CTNND2: variants seen among roughly 807,000 people sequenced by gnomAD.
CTNND2 encodes catenin delta 2, also known as catenin delta-2.
CTNND2 carries 22 observed loss-of-function variants against 144.4 expected under a neutral mutation model. That is an observed-to-expected ratio of 0.15 (90% confidence interval 0.11 to 0.22). The LOEUF (loss-of-function observed/expected upper bound fraction) is 0.22. CTNND2 is among the 10% of genes least tolerant of loss of function. The pLI is 1.00. For missense variants in CTNND2, 1,353 were observed against 1,618.8 expected (o/e 0.84, Z 2.82); for synonymous variants, 751 against 695.6 (o/e 1.08, Z -1.25).
intron 3 of CTNND2, among the ~76,000 whole-genome samples, chr5:11,500,206 T>C (rs1264391953): frequency 1.3e-5 from 2 of 152,252 alleles, no homozygotes; most frequent in East Asian, 3.9e-4. Flanking sequence ...GAAGAGTAGG[T>C]AGGCCGTAAT....
chr5:11,904,328 G>A lies in CTNND2; in HGVS notation c.-475C>T, dbSNP rs931458906. On this transcript the variant is annotated 5_prime_UTR_variant, in exon 1 of 22. Transcript: ENST00000304623. The surrounding 1 kb of genome is among the most constrained non-coding windows in gnomAD (Gnocchi z 4.2). ...TGCCGCCGCCGCCTCAGCCGCCGAG[G>A]GCGAGGCTCCTCCCGCGGCGCGCGG... 8.0e-5 allele frequency among the ~76,000 whole-genome samples: 12 copies of A among 149,278 alleles called. No homozygotes were observed. Among genetic ancestry groups the A allele is most frequent in the African/African-American group, 2.7e-4 (11 of 41,110 alleles).
In CTNND2 at chr5:11,443,338, GT is replaced by G. The variant is rs1482898196; in HGVS notation, c.288-31270del. On this transcript the variant is annotated intron_variant, in intron 3 of 21. Transcript: ENST00000304623. ...GTGTGTGCATGTGTGTGTGGTGTGT[GT>G]GGGGAGTGTGTGGGAGGGTGTGTGG... Among the ~76,000 whole-genome samples, 67 of 72,484 alleles carry G rather than the reference GT, an allele frequency of 9.2e-4. 2 individuals are homozygous for G. Among genetic ancestry groups the G allele is most frequent in the African/African-American group, 3.8e-3 (60 of 15,642 alleles). The allele number at this position is 72,484 out of a possible 152,430, so 47.6% of individuals were successfully genotyped here.
chr5:11,526,373 T>A (rs755511744), intron 3 of CTNND2, among the ~76,000 whole-genome samples: 3 of 152,156 alleles, frequency 2.0e-5, no homozygotes, highest in Non-Finnish European at 4.4e-5. Flanking sequence ...TATGGTGAAA[T>A]TGGTTCTGTC....
rs981972012 is a variant in CTNND2, at chr5:11,404,598, T to C, written c.439+6938A>G. ...TTTGATCAGTATCTGTCAGTATCTG[T>C]ATTCTTTTTTTTTTTTTTTTTTTTT... On this transcript the variant is annotated intron_variant, in intron 5 of 21. Coordinates refer to ENST00000304623, the MANE Select transcript of CTNND2 (RefSeq NM_001332.4). Among the ~76,000 whole-genome samples, 30 of 137,788 alleles carry C rather than the reference T, an allele frequency of 2.2e-4. 1 individual carries two copies. Among genetic ancestry groups the C allele is most frequent in the African/African-American group, 8.0e-4 (29 of 36,452 alleles). The allele number at this position is 137,788 out of a possible 152,430, so 90.4% of individuals were successfully genotyped here.
chr5:11,780,101 G>C (rs1215970113), intron 1 of CTNND2, among the ~76,000 whole-genome samples: 1 of 152,156 alleles, frequency 6.6e-6, no homozygotes, highest in South Asian at 2.1e-4. Context: ...GAGGAGCTGA[G>C]ACCTGAGTAT....
At chr5:11,493,530 G>A (rs1769651274) in intron 3 of CTNND2, among the ~76,000 whole-genome samples, 1 of 152,164 alleles carries the variant, frequency 6.6e-6, no homozygotes, top group Non-Finnish European at 1.5e-5. Flanking sequence ...ATAAAGAATG[G>A]CATCTTCTTA....
intron 2 of CTNND2, among the ~76,000 whole-genome samples, chr5:11,620,556 C>T (rs1780780386): frequency 6.6e-6 from 1 of 152,290 alleles, no homozygotes; most frequent in South Asian, 2.1e-4. Context: ...TCCTGACTGG[C>T]CCAGTGCTTG....
intron 14 of CTNND2, among the ~76,000 whole-genome samples, chr5:11,099,208 CT>C (rs919513082): frequency 6.6e-6 from 1 of 152,218 alleles, no homozygotes; most frequent in Middle Eastern, 3.4e-3. Flanking sequence ...TGATAAACTC[CT>C]ATATAATTTG....
At chr5:11,541,844 C>G (rs1038823496) in intron 3 of CTNND2, among the ~76,000 whole-genome samples, 3 of 143,222 alleles carry the variant, frequency 2.1e-5, no homozygotes, top group Middle Eastern at 3.4e-3. Flanking sequence ...ATCGACCCCC[C>G]CCCCCCGGCC....
intron 1 of CTNND2, among the ~76,000 whole-genome samples, chr5:11,837,301 T>C (rs1794235273): frequency 6.6e-6 from 1 of 152,270 alleles, no homozygotes; most frequent in Non-Finnish European, 1.5e-5. Context: ...TTACATTTTA[T>C]GATCTGTGTG....
chr5:11,307,987 A>G (rs1750431086), intron 9 of CTNND2, among the ~76,000 whole-genome samples: 2 of 152,204 alleles, frequency 1.3e-5, no homozygotes, highest in Non-Finnish European at 2.9e-5. Context: ...TCTTTCCACC[A>G]TGTGAGGACA....
chr5:11,177,664 T>C (rs1760612534), intron 11 of CTNND2, among the ~76,000 whole-genome samples: 1 of 152,134 alleles, frequency 6.6e-6, no homozygotes, highest in African/African-American at 2.4e-5. Flanking sequence ...CACAGATAAT[T>C]AGATCTACAA....
At chr5:11,634,192 CCTTTT>C (rs1168612939) in intron 2 of CTNND2, among the ~76,000 whole-genome samples, 2 of 152,118 alleles carry the variant, frequency 1.3e-5, no homozygotes, top group Admixed American at 6.6e-5. Flanking sequence ...AGAACTTTAC[CCTTTT>C]CTTTGTCTGG....
chr5:11,864,715 C>T (rs1476536500), intron 1 of CTNND2, among the ~76,000 whole-genome samples: 1 of 152,074 alleles, frequency 6.6e-6, no homozygotes, highest in Admixed American at 6.6e-5. Flanking sequence ...TACAGCCTAA[C>T]TTAAGAGCAG....
intron 12 of CTNND2, among the ~76,000 whole-genome samples, chr5:11,124,158 C>T (rs1262579506): frequency 1.3e-5 from 2 of 152,184 alleles, no homozygotes; most frequent in African/African-American, 2.4e-5. Flanking sequence ...ACAAGATCTC[C>T]AGAACTCCCA....
chr5:11,353,543 G>A (rs892449500), intron 8 of CTNND2, among the ~76,000 whole-genome samples: 1 of 152,164 alleles, frequency 6.6e-6, no homozygotes, highest in Non-Finnish European at 1.5e-5. Flanking sequence ...AGTGGCTCAC[G>A]CCTGTAATTC....
chr5:11,297,497 A>G (rs1487426443), intron 9 of CTNND2, among the ~76,000 whole-genome samples: 1 of 152,218 alleles, frequency 6.6e-6, no homozygotes, highest in Non-Finnish European at 1.5e-5. Flanking sequence ...TTCTTCTTAT[A>G]TTGGAAAACA....
chr5:11,121,522 G>A (rs35543891), intron 12 of CTNND2, among the ~76,000 whole-genome samples: 4,981 of 152,234 alleles, frequency 0.033, 110 homozygotes, highest in Non-Finnish European at 0.047. Flanking sequence ...ATGTCATTGG[G>A]AAGTTCCTGC....
At chr5:11,503,108 T>C (rs551751925) in intron 3 of CTNND2, among the ~76,000 whole-genome samples, 2 of 152,300 alleles carry the variant, frequency 1.3e-5, no homozygotes, top group East Asian at 1.9e-4. Context: ...GGAGTCTTGA[T>C]TTCATAGGGG....
Sources: allele counts gnomAD v4.1 joint callset (sites outside exome capture counted in the v4.1 genomes callset), GRCh38; gene constraint gnomAD v4.1.1; non-coding constraint Gnocchi (gnomAD v3.1); transcripts MANE v1.5; gene names NCBI Gene and HGNC (gene_info 2026-07-23, HGNC 2026-07-21).